The following L3MBTL3 variants were observed in gnomAD, a reference collection of about 807,000 sequenced individuals.
The protein encoded by L3MBTL3 is L3MBTL histone methyl-lysine binding protein 3, also known as lethal(3)malignant brain tumor-like protein 3.
L3MBTL3 carries 27 observed loss-of-function variants against 102.3 expected under a neutral mutation model. The ratio of observed to expected loss-of-function variants is 0.26; its 90% CI spans 0.19 to 0.36. The LOEUF is 0.36. Among genes scored for constraint, L3MBTL3 ranks in the 10% least tolerant of loss-of-function variants. L3MBTL3 has a pLI of 1.00. For missense variants in L3MBTL3, 798 were observed against 955.3 expected, an observed-to-expected ratio of 0.84 and a Z score of 2.17; for synonymous variants, 340 against 320.9, an observed-to-expected ratio of 1.06 and a Z score of -0.64.
At chr6:130,063,208 A>T (rs1284091308) in intron 10 of L3MBTL3, among the ~76,000 whole-genome samples, 1 of 152,166 alleles carries the variant, frequency 6.6e-6, no homozygotes, top group Non-Finnish European at 1.5e-5. Flanking sequence ...AGGAAGAAGT[A>T]GGGCTCGTGG....
At chr6:130,067,698 C>G (rs959232728) in intron 11 of L3MBTL3, among the ~76,000 whole-genome samples, 2 of 152,154 alleles carry the variant, frequency 1.3e-5, no homozygotes, top group Admixed American at 1.3e-4. Flanking sequence ...TTTTTTCATG[C>G]TGCTTTCTGG....
intron 20 of L3MBTL3, among the ~76,000 whole-genome samples, chr6:130,126,089 C>A (rs987468579): frequency 6.6e-6 from 1 of 151,632 alleles, no homozygotes; most frequent in East Asian, 1.9e-4. Flanking sequence ...CCCTCCCTCC[C>A]TCCTTACCTC....
At chr6:130,031,342 T>C (rs1263930796) in intron 2 of L3MBTL3, among the ~76,000 whole-genome samples, 1 of 152,194 alleles carries the variant, frequency 6.6e-6, no homozygotes, top group African/African-American at 2.4e-5. Context: ...TCATGTTATT[T>C]TCTGAATTTA....
chr6:130,141,265 A>G lies in L3MBTL3; in HGVS notation c.*1512A>G, dbSNP rs945574126. 2 of 152,208 alleles carry G rather than the reference A, an allele frequency of 1.3e-5. No individual in the cohort carries two copies. Among genetic ancestry groups the G allele is most frequent in the African/African-American group, 2.4e-5 (1 of 41,460 alleles). The allele number at this position is 152,208 out of a possible 1,614,324, so 9.4% of individuals were successfully genotyped here. ...CATTAGCAGTCCTTTGCATTTGCCA[A>G]TTCAAGGTAAAACAGGGTCAGTGAC... On this transcript the variant is annotated 3_prime_UTR_variant, in exon 23 of 23. Transcript: ENST00000361794.
chr6:130,058,761 T>G (rs986316014), intron 9 of L3MBTL3, among the ~76,000 whole-genome samples: 1 of 152,220 alleles, frequency 6.6e-6, no homozygotes, highest in Admixed American at 6.5e-5. Flanking sequence ...CATCGCTATG[T>G]TCCAGTAAGA....
At position 130,051,240 on chromosome 6, in the gene L3MBTL3, A is replaced by G. The variant is rs1201374613; in HGVS notation, c.290-9A>G. 2.5e-6 allele frequency: 4 copies of G among 1,590,570 alleles called. No individual in the cohort carries two copies. Among genetic ancestry groups the G allele is most frequent in the East Asian group, 2.2e-5 (1 of 44,490 alleles). ...GTTGTAATTTGCATTTCTTCTTTTC[A>G]TCTTCTAGTCTTTTCAGAGAAGACT... On this transcript the variant is annotated splice_polypyrimidine_tract_variant and intron_variant, in intron 5 of 22. Coordinates refer to ENST00000361794, the MANE Select transcript of L3MBTL3 (RefSeq NM_032438.4).
At chr6:130,051,688 A>G (rs1781101398) in intron 6 of L3MBTL3, among the ~76,000 whole-genome samples, 1 of 152,192 alleles carries the variant, frequency 6.6e-6, no homozygotes, top group Non-Finnish European at 1.5e-5. Context: ...TCTTCAGCTA[A>G]GAGTATTTAG....
Position 130,060,128 on chromosome 6 carries a change from C to T in L3MBTL3, c.852C>T (p.Leu284=). 1 of 1,599,178 alleles carries T rather than the reference C, an allele frequency of 6.3e-7. No homozygotes were observed. The highest frequency in any genetic ancestry group is 8.5e-7 in the Non-Finnish European group (1 of 1,170,602). Residue 284 remains leucine, a synonymous_variant, in exon 10 of 23, where the codon CTC becomes CTT. Coordinates refer to ENST00000361794, the MANE Select transcript of L3MBTL3 (RefSeq NM_032438.4). The part of the protein sequence containing the change: ...DPEHQSVYCV[L]TVAEVCGYRI... Reference sequence around the variant, plus strand: ...AGCATCAGTCTGTGTACTGTGTCCTCACCGTCGCGGAGGTAAGCTTTGCCT... The same window carrying T: ...AGCATCAGTCTGTGTACTGTGTCCTTACCGTCGCGGAGGTAAGCTTTGCCT...
At chr6:130,104,382 A>G (rs781348469) in intron 18 of L3MBTL3, 44 bp from the exon 19 acceptor site, 2 of 1,401,262 alleles carry the variant, frequency 1.4e-6, no homozygotes, top group African/African-American at 1.5e-5. Flanking sequence ...GCCTAATGGA[A>G]ATGTTCAATG....
At chr6:130,095,371 GAAC>G (rs1348492198) in intron 18 of L3MBTL3, among the ~76,000 whole-genome samples, 1 of 151,614 alleles carries the variant, frequency 6.6e-6, no homozygotes, top group Non-Finnish European at 1.5e-5. Context: ...TTCCTTTTTC[GAAC>G]AACTCTCCTT....
intron 5 of L3MBTL3, among the ~76,000 whole-genome samples, chr6:130,050,860 A>G (rs968393806): frequency 6.6e-6 from 1 of 152,236 alleles, no homozygotes; most frequent in East Asian, 1.9e-4. Flanking sequence ...AAAATCATTC[A>G]TCAAAAGATT....
At chr6:130,086,899 C>G (rs906246036) in intron 16 of L3MBTL3, among the ~76,000 whole-genome samples, 6 of 152,128 alleles carry the variant, frequency 3.9e-5, no homozygotes, top group Non-Finnish European at 7.4e-5. Context: ...TTTGGAATTT[C>G]TATTAGGAAT....
At chr6:130,057,551 G>GCT in intron 9 of L3MBTL3, 54 bp downstream of exon 9, 3 of 1,345,414 alleles carry the variant, frequency 2.2e-6, no homozygotes, top group African/African-American at 1.5e-5. Context: ...TGGGATACCA[G>GCT]CCTGAATTAC....
At chr6:130,110,500 A>G (rs549360574) in intron 19 of L3MBTL3, among the ~76,000 whole-genome samples, 128 of 152,146 alleles carry the variant, frequency 8.4e-4, no homozygotes, top group African/African-American at 2.9e-3. Flanking sequence ...CTGTTTGTCT[A>G]TTATTGGTGT....
chr6:130,120,749 T>C, intron 19 of L3MBTL3, 130 bp from the exon 20 acceptor site: 1 of 698,564 alleles, frequency 1.4e-6, no homozygotes, highest in Admixed American at 2.7e-5. Context: ...AGGAGAACTA[T>C]ATATCCTTTC....
chr6:130,052,855 A>G lies in L3MBTL3; in HGVS notation c.450-4A>G, dbSNP rs763683728. ...TCACTATTTTGGGTTTATAAACACA[A>G]CAGAGATCAGAAGGAAGAAAGGGAC... On this transcript the variant is annotated splice_polypyrimidine_tract_variant and splice_region_variant and intron_variant, in intron 6 of 22. Coordinates refer to ENST00000361794, the MANE Select transcript of L3MBTL3 (RefSeq NM_032438.4). 133 of 1,613,042 alleles carry G rather than the reference A, an allele frequency of 8.2e-5. No individual in the cohort carries two copies. Among genetic ancestry groups the G allele is most frequent in the Non-Finnish European group, 1.0e-4 (118 of 1,179,334 alleles).
At chr6:130,046,519 A>G (rs1036206885) in intron 3 of L3MBTL3, among the ~76,000 whole-genome samples, 9 of 152,240 alleles carry the variant, frequency 5.9e-5, no homozygotes, top group African/African-American at 2.2e-4. Flanking sequence ...AGTTGAATCA[A>G]TTAAAGGTAG....
chr6:130,133,673 A>G lies in L3MBTL3; in HGVS notation c.2136+52A>G. 2 of 1,597,712 alleles carry G rather than the reference A, an allele frequency of 1.3e-6. No individual in the cohort carries two copies. The highest frequency in any genetic ancestry group is 1.7e-6 in the Non-Finnish European group (2 of 1,169,824). On this transcript the variant is annotated intron_variant, in intron 21 of 22. Coordinates refer to ENST00000361794, the MANE Select transcript of L3MBTL3 (RefSeq NM_032438.4). This position sits in a 1 kb window ranked among gnomAD's most constrained non-coding sequence, Gnocchi z 4.9. Reference sequence around the variant, plus strand: ...ACACCAGATACAGGATTACTGGCTTAAGAGGTGTGGAACATTGAGCGTAGG... The same window carrying G: ...ACACCAGATACAGGATTACTGGCTTGAGAGGTGTGGAACATTGAGCGTAGG...
At chr6:130,053,602 T>C (rs1781246774) in intron 7 of L3MBTL3, among the ~76,000 whole-genome samples, 1 of 141,742 alleles carries the variant, frequency 7.1e-6, no homozygotes, top group Non-Finnish European at 1.5e-5. Flanking sequence ...ACCACTGCAC[T>C]CCAGCCTGGG....
Sources: gnomAD v4.1 joint callset for allele counts (sites outside exome capture counted in the v4.1 genomes callset) on GRCh38, gnomAD v4.1.1 for gene constraint, Gnocchi (gnomAD v3.1) non-coding constraint, MANE v1.5 for transcripts, NCBI Gene and HGNC (gene_info 2026-07-23, HGNC 2026-07-21) for gene names.